Variants in NRXN1 observed in about 807,000 individuals in gnomAD.
NRXN1 encodes the protein neurexin 1.
In NRXN1, 39 loss-of-function variants were observed where a neutral mutation model predicts 150.9. The ratio of observed to expected loss-of-function variants is 0.26; its 90% CI spans 0.20 to 0.34. NRXN1 has a LOEUF of 0.34. Among genes scored for constraint, NRXN1 ranks in the 10% least tolerant of loss-of-function variants. The pLI is 1.00. For synonymous variants in NRXN1, 924 were observed against 757.0 expected (o/e 1.22, Z -3.62); for missense variants, 1,815 against 1,949.9 (o/e 0.93, Z 1.30).
chr2:50,257,781 A>G (rs1377625420), intron 17 of NRXN1, among the ~76,000 whole-genome samples: 1 of 152,040 alleles, frequency 6.6e-6, no homozygotes, highest in Non-Finnish European at 1.5e-5. Context: ...GAGTACTGAG[A>G]AAAGAGACTA....
chr2:50,499,344 T>A (rs768664108), intron 13 of NRXN1, among the ~76,000 whole-genome samples: 28 of 152,190 alleles, frequency 1.8e-4, no homozygotes, highest in Non-Finnish European at 3.1e-4. Flanking sequence ...ATTCCCTTCC[T>A]GCAAACATTT....
At chr2:50,923,204 T>C (rs906133089) in intron 3 of NRXN1, among the ~76,000 whole-genome samples, 3 of 151,876 alleles carry the variant, frequency 2.0e-5, no homozygotes, top group Non-Finnish European at 4.4e-5. Flanking sequence ...TGCAGAAATG[T>C]CTCCTTGTCT....
At chr2:51,009,122 C>T (rs894979395) in intron 2 of NRXN1, 2 of 151,786 alleles carry the variant, frequency 1.3e-5, no homozygotes, top group African/African-American at 4.8e-5. Context: ...TCCAATATTG[C>T]CCTAATTTCA....
At chr2:49,928,959 T>A (rs1327868810) in intron 22 of NRXN1, among the ~76,000 whole-genome samples, 2 of 152,104 alleles carry the variant, frequency 1.3e-5, no homozygotes, top group African/African-American at 4.8e-5. Context: ...CCCCAATACA[T>A]CGGAGATTTA....
rs191431390 is a variant in NRXN1 at position 49,941,827 on chromosome 2, G to A, written c.4216+1877C>T. Among the ~76,000 whole-genome samples, 18 of 152,204 alleles carry A rather than the reference G, an allele frequency of 1.2e-4. 1 individual carries two copies. The highest frequency in any genetic ancestry group is 4.3e-4 in the African/African-American group (18 of 41,534). On this transcript the variant is annotated intron_variant, in intron 22 of 22. Coordinates refer to ENST00000401669, the MANE Select transcript of NRXN1 (RefSeq NM_001330078.2). ...GTTACATGGATAACTCATGCTAGAG[G>A]ATGTCAGAGAAGATGAGATAGAAAA...
At chr2:50,375,248 T>C (rs1249040437) in intron 17 of NRXN1, among the ~76,000 whole-genome samples, 2 of 151,956 alleles carry the variant, frequency 1.3e-5, no homozygotes, top group Non-Finnish European at 2.9e-5. Context: ...CATACCAGGC[T>C]TAGCTTACTG....
chr2:50,714,920 A>C (rs1428665913), intron 5 of NRXN1, among the ~76,000 whole-genome samples: 1 of 152,160 alleles, frequency 6.6e-6, no homozygotes, highest in African/African-American at 2.4e-5. Flanking sequence ...CAGTATAAAA[A>C]GTGTAAAATC....
chr2:50,713,743 C>T (rs981055723), intron 5 of NRXN1, among the ~76,000 whole-genome samples: 15 of 151,982 alleles, frequency 9.9e-5, no homozygotes, highest in East Asian at 7.7e-4. Context: ...TTTACCAAAA[C>T]ACATAACATC....
At chr2:50,121,439 T>C (rs906149478) in intron 18 of NRXN1, among the ~76,000 whole-genome samples, 1 of 152,222 alleles carries the variant, frequency 6.6e-6, no homozygotes, top group Non-Finnish European at 1.5e-5. Context: ...ACACAGCTAG[T>C]CAGTGGTAGA....
intron 5 of NRXN1, among the ~76,000 whole-genome samples, chr2:50,626,245 C>G (rs1681018940): frequency 6.6e-6 from 1 of 151,340 alleles, no homozygotes; most frequent in Non-Finnish European, 1.5e-5. Flanking sequence ...TCAATGAAAT[C>G]CTAATCAAAA....
intron 5 of NRXN1, among the ~76,000 whole-genome samples, chr2:50,723,136 A>T (rs1696891864): frequency 6.6e-6 from 1 of 152,124 alleles, no homozygotes; most frequent in African/African-American, 2.4e-5. Context: ...CCTTGGTGTA[A>T]ATCCCTGAAA....
intron 16 of NRXN1, among the ~76,000 whole-genome samples, chr2:50,470,132 C>A (rs1402025660): frequency 1.3e-5 from 2 of 151,474 alleles, no homozygotes; most frequent in East Asian, 3.9e-4. Context: ...TGTAGAAAGG[C>A]CTATTTTTAA....
intron 17 of NRXN1, among the ~76,000 whole-genome samples, chr2:50,333,920 A>G (rs756282428): frequency 6.6e-6 from 1 of 152,002 alleles, no homozygotes; most frequent in Non-Finnish European, 1.5e-5. Flanking sequence ...TAAAAACAGA[A>G]AGTCAACTCC....
intron 18 of NRXN1, among the ~76,000 whole-genome samples, chr2:50,137,888 C>T (rs955423171): frequency 6.6e-6 from 1 of 152,120 alleles, no homozygotes; most frequent in African/African-American, 2.4e-5. Flanking sequence ...CAAGATGGAG[C>T]CTCACGTTCT....
chr2:50,371,458 T>C (rs2080020765), intron 17 of NRXN1, among the ~76,000 whole-genome samples: 1 of 152,078 alleles, frequency 6.6e-6, no homozygotes, highest in South Asian at 2.1e-4. Context: ...ATATTTTATT[T>C]TTAGGAACAG....
At chr2:50,969,327 G>A (rs978643167) in intron 2 of NRXN1, among the ~76,000 whole-genome samples, 8 of 151,890 alleles carry the variant, frequency 5.3e-5, no homozygotes, top group Admixed American at 5.3e-4. Context: ...ACACTGCCTG[G>A]CACAAAGAAG....
chr2:50,196,463 G>T (rs1431890530), intron 18 of NRXN1, among the ~76,000 whole-genome samples: 1 of 152,022 alleles, frequency 6.6e-6, no homozygotes, highest in Admixed American at 6.6e-5. Context: ...AGTCATGTTT[G>T]TGACTTTCCA....
At chr2:50,264,452 A>G (rs1054936108) in intron 17 of NRXN1, among the ~76,000 whole-genome samples, 35 of 152,236 alleles carry the variant, frequency 2.3e-4, no homozygotes, top group African/African-American at 8.4e-4. Flanking sequence ...ATTTTGAAAG[A>G]AGGTAAATTA....
intron 17 of NRXN1, among the ~76,000 whole-genome samples, chr2:50,240,394 C>G (rs903010375): frequency 1.3e-5 from 2 of 151,748 alleles, no homozygotes; most frequent in South Asian, 2.1e-4. Context: ...TTCCTCAGCT[C>G]TCTTCTACAT....
Sources: gnomAD v4.1 joint callset for allele counts (sites outside exome capture counted in the v4.1 genomes callset) on GRCh38, gnomAD v4.1.1 for gene constraint, MANE v1.5 for transcripts, NCBI Gene and HGNC (gene_info 2026-07-23, HGNC 2026-07-21) for gene names.